The following EYA4 variants were observed in gnomAD, a reference collection of about 807,000 sequenced individuals.
The protein encoded by EYA4 is protein phosphatase EYA4.
EYA4 carries 31 observed loss-of-function variants against 87.9 expected under a neutral mutation model. The observed-to-expected ratio is 0.35, with a 90% confidence interval of 0.27 to 0.48. The LOEUF (loss-of-function observed/expected upper bound fraction) is 0.48. Among genes scored for constraint, EYA4 ranks in the 20% least tolerant of loss-of-function variants. The probability of loss-of-function intolerance (pLI) is 0.99; values close to 1 mark genes in which losing one functional copy is unlikely to be tolerated. For synonymous variants in EYA4, 263 were observed against 270.6 expected, an observed-to-expected ratio of 0.97 and a Z score of 0.28; for missense variants, 678 against 761.4, an observed-to-expected ratio of 0.89 and a Z score of 1.29.
intron 13 of EYA4, among the ~76,000 whole-genome samples, chr6:133,485,570 G>A (rs1416437334): frequency 3.9e-5 from 6 of 152,298 alleles, no homozygotes; most frequent in Non-Finnish European, 5.9e-5. Context: ...ATAGCACATC[G>A]CATGGCCTGG....
At position 133,515,622 on chromosome 6, in the gene EYA4, AGT is replaced by A. The variant is rs72318662; in HGVS notation, c.1616+220_1616+221del. On this transcript the variant is annotated intron_variant, in intron 17 of 19. Coordinates refer to ENST00000355286, the MANE Select transcript of EYA4 (RefSeq NM_004100.5). ...GAGAGAGAGAGAGAGTGTGTGTGTG[AGT>A]GTGTGTGTGTGTGTGTGTGTGTGTG... 0.19 allele frequency among the ~76,000 whole-genome samples: 28,081 copies of A among 146,360 alleles called. 2,787 individuals carry two copies. Among genetic ancestry groups the A allele is most frequent in the East Asian group, 0.34 (1,671 of 4,928 alleles).
At chr6:133,368,183 T>G (rs1480397756) in intron 2 of EYA4, among the ~76,000 whole-genome samples, 1 of 152,174 alleles carries the variant, frequency 6.6e-6, no homozygotes, top group Non-Finnish European at 1.5e-5. Flanking sequence ...ATCAGAAAAA[T>G]TATAGTTATT....
intron 5 of EYA4, among the ~76,000 whole-genome samples, chr6:133,454,331 G>T (rs559987248): frequency 1.3e-5 from 2 of 152,268 alleles, no homozygotes; most frequent in African/African-American, 4.8e-5. Context: ...GAACTCAATT[G>T]TAAACATTGC....
chr6:133,379,537 C>T (rs1313520531), intron 2 of EYA4, among the ~76,000 whole-genome samples: 1 of 152,080 alleles, frequency 6.6e-6, no homozygotes, highest in Non-Finnish European at 1.5e-5. Context: ...TATATCTAAT[C>T]TTTCTTTTCA....
intron 2 of EYA4, 37 bp downstream of exon 2, chr6:133,274,850 C>T (rs191747564): frequency 2.8e-5 from 42 of 1,521,882 alleles, no homozygotes; most frequent in South Asian, 2.1e-4. Context: ...AAAAAAGTTG[C>T]GATAACACTA....
At chr6:133,380,725 T>C (rs2128477653) in intron 2 of EYA4, among the ~76,000 whole-genome samples, 1 of 152,270 alleles carries the variant, frequency 6.6e-6, no homozygotes, top group African/African-American at 2.4e-5. Flanking sequence ...CTCATACAAA[T>C]TTAATGGACA....
chr6:133,440,784 T>C (rs1004020322), intron 3 of EYA4, among the ~76,000 whole-genome samples: 1 of 152,194 alleles, frequency 6.6e-6, no homozygotes, highest in African/African-American at 2.4e-5. Flanking sequence ...TAAAGCTGAA[T>C]GGAGAGTTGT....
intron 17 of EYA4, 120 bp downstream of exon 17, chr6:133,515,555 T>C (rs1443721892): frequency 1.4e-6 from 1 of 709,730 alleles, no homozygotes; most frequent in South Asian, 1.5e-5. Context: ...CTAACAATTC[T>C]GAGTTCAGTG....
At position 133,529,256 on chromosome 6, in the gene EYA4, A is replaced by G. The variant is rs1180637980; in HGVS notation, c.*451A>G. ...CTGAATTGGAATGCACTCAGACTGT[A>G]TAAGGACAGTCCTATTTAGACATGT... On this transcript the variant is annotated 3_prime_UTR_variant, in exon 20 of 20. Transcript: ENST00000355286. The G allele has an allele frequency of 8.5e-6, 9 of 1,053,544 alleles. No homozygotes were observed. In the African/African-American group the frequency reaches 1.2e-4, roughly 14 times the overall value. The allele number at this position is 1,053,544 out of a possible 1,614,324, so 65.3% of individuals were successfully genotyped here.
intron 13 of EYA4, among the ~76,000 whole-genome samples, chr6:133,486,467 G>A (rs1796693256): frequency 6.6e-6 from 1 of 151,414 alleles, no homozygotes; most frequent in South Asian, 2.1e-4. Flanking sequence ...CCCTCAGACA[G>A]ACTGCATTCA....
chr6:133,400,474 C>T (rs1257191707), intron 3 of EYA4, among the ~76,000 whole-genome samples: 1 of 148,700 alleles, frequency 6.7e-6, no homozygotes, highest in Non-Finnish European at 1.5e-5. Context: ...CACCACTGAA[C>T]TCTAGCTTGG....
chr6:133,313,894 T>A (rs111502385), intron 2 of EYA4, among the ~76,000 whole-genome samples: 1 of 71,478 alleles, frequency 1.4e-5, no homozygotes, highest in African/African-American at 4.6e-5. Context: ...TCTGATGTCT[T>A]ATTTTTTTTC....
At chr6:133,384,024 G>A (rs1666818212) in intron 3 of EYA4, among the ~76,000 whole-genome samples, 1 of 152,100 alleles carries the variant, frequency 6.6e-6, no homozygotes, top group African/African-American at 2.4e-5. Context: ...TGGGAGTTAG[G>A]AAAAACAGAA....
intron 11 of EYA4, among the ~76,000 whole-genome samples, chr6:133,477,570 T>C (rs1310142096): frequency 6.6e-6 from 1 of 152,064 alleles, no homozygotes; most frequent in Non-Finnish European, 1.5e-5. Context: ...TAGGTTGTTA[T>C]ATGACTCTTT....
intron 11 of EYA4, among the ~76,000 whole-genome samples, chr6:133,478,861 A>C (rs973968985): frequency 6.6e-6 from 1 of 152,130 alleles, no homozygotes; most frequent in Non-Finnish European, 1.5e-5. Flanking sequence ...AGTTCATTTG[A>C]ATAGCAGAAT....
chr6:133,499,663 TC>T lies in EYA4; in HGVS notation c.1192-6439del, dbSNP rs149128933. ...GTGCTAGCTTTTCACCTTTACCAGC[TC>T]CCCAGCAGGTAATTGGCTACATTAC... On this transcript the variant is annotated intron_variant, in intron 13 of 19. Transcript: ENST00000355286. Among the ~76,000 whole-genome samples the T allele has an allele frequency of 4.3e-3, 650 of 152,206 alleles. 2 individuals carry two copies. Among genetic ancestry groups the T allele is most frequent in the African/African-American group, 0.014 (599 of 41,526 alleles).
Position 133,529,224 on chromosome 6 carries a change from A to C in EYA4, c.*419A>C, listed in dbSNP as rs1169311287. 4.4e-6 allele frequency: 5 copies of C among 1,132,786 alleles called. No homozygotes were observed. Among genetic ancestry groups the C allele is most frequent in the Non-Finnish European group, 5.5e-6 (5 of 916,662 alleles). 70.2% of individuals were successfully genotyped at this position (1,132,786 alleles called of 1,614,324 possible). On this transcript the variant is annotated 3_prime_UTR_variant, in exon 20 of 20. Transcript: ENST00000355286. ...AATCTGACTTTAGCCTACCTAACCC[A>C]GAAAATCTGAATTGGAATGCACTCA...
intron 2 of EYA4, among the ~76,000 whole-genome samples, chr6:133,317,453 A>G (rs763649642): frequency 6.6e-6 from 1 of 152,154 alleles, no homozygotes; most frequent in African/African-American, 2.4e-5. Flanking sequence ...TTTATTATGA[A>G]TTATTTGTGT....
intron 2 of EYA4, among the ~76,000 whole-genome samples, chr6:133,318,278 A>G (rs1382866377): frequency 2.6e-5 from 4 of 152,166 alleles, no homozygotes; most frequent in Admixed American, 2.0e-4. Context: ...TGATGATAGA[A>G]CTTAGGGGAA....
Sources: gnomAD v4.1 joint callset for allele counts (sites outside exome capture counted in the v4.1 genomes callset) on GRCh38, gnomAD v4.1.1 for gene constraint, MANE v1.5 for transcripts, NCBI Gene and HGNC (gene_info 2026-07-23, HGNC 2026-07-21) for gene names.